The following PLCH2 variants were observed in gnomAD, a reference collection of about 807,000 sequenced individuals.
The protein encoded by PLCH2 is phospholipase C eta 2, also known as 1-phosphatidylinositol 4,5-bisphosphate phosphodiesterase eta-2.
PLCH2 carries 98 observed loss-of-function variants against 134.7 expected under a neutral mutation model. The observed-to-expected ratio is 0.73, with a 90% CI of 0.62 to 0.86. PLCH2 has a LOEUF of 0.86. PLCH2 is among the 40% of genes least tolerant of loss of function. The pLI, the probability that PLCH2 is intolerant of heterozygous loss-of-function variation, is 0.00. For synonymous variants in PLCH2, 974 were observed against 827.5 expected (o/e 1.18, Z -3.04); for missense variants, 1,994 against 1,986.6 (o/e 1.00, Z -0.07).
chr1:2,478,911 A>C (rs955036588), intron 2 of PLCH2, among the ~76,000 whole-genome samples: 4 of 152,116 alleles, frequency 2.6e-5, no homozygotes, highest in Non-Finnish European at 5.9e-5. Flanking sequence ...AGCATAGTCC[A>C]TCTAGCTGGG....
At chr1:2,494,513 C>G in intron 11 of PLCH2, 2 of 404,558 alleles carry the variant, frequency 4.9e-6, no homozygotes, top group Non-Finnish European at 9.2e-6. Context: ...GCAGTTATTA[C>G]GTAGTCACCA....
chr1:2,423,115 C>T (rs1020865022), upstream of PLCH2, among the ~76,000 whole-genome samples: 1 of 152,122 alleles, frequency 6.6e-6, no homozygotes, highest in African/African-American at 2.4e-5. Context: ...TTATTGGCAA[C>T]AGATCCTGCA....
chr1:2,479,016 A>G (rs1038187572), intron 2 of PLCH2: 1 of 216,232 alleles, frequency 4.6e-6, no homozygotes, highest in African/African-American at 2.2e-5. Flanking sequence ...GCCACTGGGC[A>G]TGGCTGCTGG....
At chr1:2,455,352 C>T (rs932430287) in intron 2 of PLCH2, among the ~76,000 whole-genome samples, 3 of 152,126 alleles carry the variant, frequency 2.0e-5, no homozygotes, top group Admixed American at 6.5e-5. Context: ...GGCAGGAGGA[C>T]CCTCGGCCCT....
At position 2,439,022 on chromosome 1, in the gene PLCH2, G is replaced by A. The variant is rs569504337; in HGVS notation, c.115+8393G>A. 5.7e-4 allele frequency among the ~76,000 whole-genome samples: 87 copies of A among 152,316 alleles called. No individual in the cohort carries two copies. Among genetic ancestry groups the A allele is most frequent in the South Asian group, 1.4e-3 (7 of 4,832 alleles). Reference sequence around the variant, plus strand: ...TCCAGGTAGAAGTGGCTTTGACTACGCCCTCCCAGCCCTGACCCAGCTCCC... The same window carrying A: ...TCCAGGTAGAAGTGGCTTTGACTACACCCTCCCAGCCCTGACCCAGCTCCC... On this transcript the variant is annotated intron_variant, in intron 2 of 3. Transcript: ENST00000609981. The surrounding 1 kb of genome is among the most constrained non-coding windows in gnomAD (Gnocchi z 4.7).
chr1:2,475,737 G>C (rs988693020), upstream of PLCH2, among the ~76,000 whole-genome samples: 4 of 152,240 alleles, frequency 2.6e-5, no homozygotes, highest in African/African-American at 9.6e-5. Flanking sequence ...TCAGGCTGGG[G>C]CTGCAGCTGC....
At chr1:2,503,556 GC>G in intron 21 of PLCH2, 2 of 632,588 alleles carry the variant, frequency 3.2e-6, no homozygotes, top group East Asian at 2.9e-5. Flanking sequence ...ACACCACCCT[GC>G]CCCTCCAGAC....
chr1:2,428,430 T>C (rs1275589220), intron 1 of PLCH2, among the ~76,000 whole-genome samples: 1 of 152,192 alleles, frequency 6.6e-6, no homozygotes, highest in East Asian at 1.9e-4. Flanking sequence ...CCACGGTGGC[T>C]CTCAGGGCAG....
chr1:2,498,274 G>A lies in PLCH2; in HGVS notation c.2225-249G>A. On this transcript the variant is annotated intron_variant, in intron 16 of 21. Transcript: ENST00000378486. This position sits in a 1 kb window ranked among gnomAD's most constrained non-coding sequence, Gnocchi z 5.4. ...CCAGACCCACCCCCAGAAGCCATGT[G>A]ACCTCCTCGGCTCAGCTGTGGGAGG... The A allele has an allele frequency of 4.1e-6, 2 of 482,374 alleles. No individual in the cohort carries two copies. The highest frequency in any genetic ancestry group is 5.9e-5 in the South Asian group (2 of 33,930). The allele number at this position is 482,374 out of a possible 1,614,324, so 29.9% of individuals were successfully genotyped here.
chr1:2,452,368 C>T (rs1158567770), intron 2 of PLCH2, among the ~76,000 whole-genome samples: 6 of 152,184 alleles, frequency 3.9e-5, no homozygotes, highest in South Asian at 2.1e-4. Context: ...CAGCAGCTGC[C>T]GTCCTGGAGT....
At chr1:2,478,734 G>A in intron 2 of PLCH2, 112 bp downstream of exon 2, 1 of 1,084,520 alleles carries the variant, frequency 9.2e-7, no homozygotes, top group Admixed American at 2.2e-5. Flanking sequence ...CCCTAGGCCT[G>A]GACACCTCTG....
At chr1:2,503,759 G>C (rs1436075947) in intron 21 of PLCH2, 163 bp from the exon 22 acceptor site, 2 of 615,848 alleles carry the variant, frequency 3.2e-6, no homozygotes, top group Non-Finnish European at 2.9e-6. Flanking sequence ...CGAGTGTGCC[G>C]CGCCCGGGGG....
At chr1:2,436,236 C>T (rs1311390505) in intron 2 of PLCH2, among the ~76,000 whole-genome samples, 3 of 126,366 alleles carry the variant, frequency 2.4e-5, no homozygotes, top group Non-Finnish European at 5.0e-5. Flanking sequence ...CTCCTTTCCT[C>T]CTTCCTCCCT....
chr1:2,499,714 C>T lies in PLCH2; in HGVS notation c.2655C>T (p.Ser885=), dbSNP rs748948271. Residue 885 remains serine, a synonymous_variant, in exon 20 of 22, where the codon AGC becomes AGT. Coordinates refer to ENST00000378486, the MANE Select transcript of PLCH2 (RefSeq NM_014638.4). ...TGCATGTGGCTGTCAGTGACATCAG[C>T]GGTAAGGTGAGTGTCACCCCCTGCC... The part of the protein sequence containing the change: ...IFVHVAVSDI[S]GKVKQALGLK... The T allele has an allele frequency of 1.7e-5, 27 of 1,583,196 alleles. No homozygotes were observed. Among genetic ancestry groups the T allele is most frequent in the Admixed American group, 3.6e-5 (2 of 55,948 alleles).
intron 2 of PLCH2, 40 bp downstream of exon 2, chr1:2,478,662 TG>T: frequency 1.3e-6 from 2 of 1,565,258 alleles, no homozygotes; most frequent in Non-Finnish European, 1.7e-6. Flanking sequence ...TCAGAGTCCC[TG>T]GGGGGACACG....
rs1642496409 is a variant in PLCH2 at position 2,490,180 on chromosome 1, C to CTGGGT, written c.1515+313_1515+314insTGGGT. The stretch of plus-strand genomic sequence containing the variant: ...GGGCAGCACTGGGGGCTGGGTCCCA[C>CTGGGT]GCCAGACTCCACCCCATTCCCACCA... On this transcript the variant is annotated intron_variant, in intron 10 of 21. Transcript: ENST00000378486. 4.6e-5 allele frequency among the ~76,000 whole-genome samples: 7 copies of CTGGGT among 152,326 alleles called. No homozygotes were observed. In the South Asian group the frequency reaches 1.4e-3, roughly 32 times the overall value.
chr1:2,424,804 A>G (rs193101164), upstream of PLCH2, among the ~76,000 whole-genome samples: 377 of 152,274 alleles, frequency 2.5e-3, 3 homozygotes, highest in South Asian at 4.1e-3. Flanking sequence ...TGGCTAACAC[A>G]GTGAAACCCT....
rs753731663 is a variant in PLCH2, at chr1:2,479,977, A to G, written c.515A>G (p.Gln172Arg). ...GCTCGCCGCCAGCGCACCAGGGACC[A>G]ATATCCTTGGGCACCTATCGGGCAA... ...SLARRQRTRDQWLKQTFDEAD... is the reference protein window; with the variant it reads ...SLARRQRTRDRWLKQTFDEAD... The change falls in exon 3 of 22, where the codon CAG (glutamine) becomes CGG (arginine). Residue 172 changes from glutamine to arginine, a missense_variant and splice_region_variant. Physicochemically the swap from Gln to Arg is conservative, Grantham distance 43 (BLOSUM62 1). Transcript: ENST00000378486. The G allele has an allele frequency of 6.2e-7, 1 of 1,603,552 alleles. No homozygotes were observed. Among genetic ancestry groups the G allele is most frequent in the South Asian group, 1.1e-5 (1 of 90,872 alleles).
chr1:2,479,158 C>T (rs564375327), intron 2 of PLCH2: 7 of 165,636 alleles, frequency 4.2e-5, no homozygotes, highest in Admixed American at 2.2e-4. Context: ...GGGATCAGGG[C>T]GCAGCCAGGG....
Sources: gnomAD v4.1 joint callset for allele counts (sites outside exome capture counted in the v4.1 genomes callset) on GRCh38, gnomAD v4.1.1 for gene constraint, Gnocchi (gnomAD v3.1) non-coding constraint, MANE v1.5 for transcripts, NCBI Gene and HGNC (gene_info 2026-07-23, HGNC 2026-07-21) for gene names.